Variants in CLIC4 observed in about 807,000 individuals in gnomAD.
CLIC4 encodes CLIC family member 4, also known as chloride intracellular channel protein 4.
CLIC4 carries 13 observed loss-of-function variants against 24.6 expected under a neutral mutation model. The observed-to-expected ratio is 0.53, with a 90% CI of 0.34 to 0.84. The LOEUF (loss-of-function observed/expected upper bound fraction) is 0.84. CLIC4 is among the 40% of genes least tolerant of loss of function. The pLI, the probability that CLIC4 is intolerant of heterozygous loss-of-function variation, is 0.01. For synonymous variants in CLIC4, 104 were observed against 111.3 expected, an observed-to-expected ratio of 0.93 and a Z score of 0.41; for missense variants, 227 against 301.7, an observed-to-expected ratio of 0.75 and a Z score of 1.83.
At chr1:24,768,164 T>A (rs1016723381) in intron 1 of CLIC4, among the ~76,000 whole-genome samples, 2 of 152,028 alleles carry the variant, frequency 1.3e-5, no homozygotes, top group African/African-American at 4.8e-5. Context: ...TTTTAAGATA[T>A]GGGGATCTTG....
Position 24,772,940 on chromosome 1 carries a change from T to C in CLIC4, c.73-24802T>C, listed in dbSNP as rs566331637. On this transcript the variant is annotated intron_variant, in intron 1 of 5. Transcript: ENST00000374379. ...CATTTTCATGATTGCAGTTTTTCATTGTTTATGGTCATCTTCATTAATCCA... is the reference window on the plus strand; with the variant it reads ...CATTTTCATGATTGCAGTTTTTCATCGTTTATGGTCATCTTCATTAATCCA... Among the ~76,000 whole-genome samples, 12 of 152,334 alleles carry C rather than the reference T, an allele frequency of 7.9e-5. No individual in the cohort carries two copies. In the East Asian group the frequency reaches 2.1e-3, roughly 27 times the overall value.
intron 2 of CLIC4, among the ~76,000 whole-genome samples, chr1:24,802,698 C>A (rs1053962513): frequency 1.3e-5 from 2 of 150,342 alleles, no homozygotes; most frequent in South Asian, 4.2e-4. Context: ...AAATCTTTTC[C>A]TTTTTTCTTT....
intron 3 of CLIC4, among the ~76,000 whole-genome samples, chr1:24,825,465 A>G (rs1639778648): frequency 6.6e-6 from 1 of 152,204 alleles, no homozygotes; most frequent in Admixed American, 6.5e-5. Flanking sequence ...AGGGCCCTAT[A>G]GTTGGCGATG....
At chr1:24,755,395 C>T (rs1191624590) in intron 1 of CLIC4, among the ~76,000 whole-genome samples, 1 of 148,816 alleles carries the variant, frequency 6.7e-6, no homozygotes, top group Non-Finnish European at 1.5e-5. Flanking sequence ...GCTAAGATCA[C>T]ACCACTGCAC....
intron 2 of CLIC4, among the ~76,000 whole-genome samples, chr1:24,809,736 C>T (rs920418056): frequency 6.6e-6 from 1 of 152,150 alleles, no homozygotes; most frequent in African/African-American, 2.4e-5. Context: ...GCTGGGATTA[C>T]AAGCATGAGC....
intron 2 of CLIC4, among the ~76,000 whole-genome samples, chr1:24,803,310 G>A (rs1289128391): frequency 2.6e-5 from 4 of 152,074 alleles, no homozygotes; most frequent in African/African-American, 9.7e-5. Flanking sequence ...ACTGACTCCA[G>A]AACAAACCAG....
At chr1:24,825,471 C>T (rs940251431) in intron 3 of CLIC4, among the ~76,000 whole-genome samples, 3 of 151,856 alleles carry the variant, frequency 2.0e-5, no homozygotes, top group African/African-American at 7.3e-5. Context: ...CTATAGTTGG[C>T]GATGTGTGGT....
At chr1:24,791,565 C>A (rs1639335097) in intron 1 of CLIC4, among the ~76,000 whole-genome samples, 1 of 151,840 alleles carries the variant, frequency 6.6e-6, no homozygotes, top group Non-Finnish European at 1.5e-5. Flanking sequence ...CATGGTGAAA[C>A]CCTGTCTCTA....
At chr1:24,815,141 T>C (rs1639655283) in intron 3 of CLIC4, among the ~76,000 whole-genome samples, 1 of 152,226 alleles carries the variant, frequency 6.6e-6, no homozygotes, top group African/African-American at 2.4e-5. Flanking sequence ...TATACTGTAG[T>C]GTTTTAAGTG....
At chr1:24,771,700 C>A in intron 1 of CLIC4, 1 of 319,048 alleles carries the variant, frequency 3.1e-6, no homozygotes, top group Admixed American at 3.5e-5. Context: ...TAGTAAAATA[C>A]CAGAGTTAAA....
intron 2 of CLIC4, among the ~76,000 whole-genome samples, chr1:24,807,148 G>T (rs982408260): frequency 1.2e-4 from 18 of 151,744 alleles, no homozygotes; most frequent in Admixed American, 4.6e-4. Flanking sequence ...AAAGAAAATT[G>T]AATAAAAATT....
At chr1:24,817,658 G>A (rs1639684975) in intron 3 of CLIC4, among the ~76,000 whole-genome samples, 1 of 152,198 alleles carries the variant, frequency 6.6e-6, no homozygotes, top group Non-Finnish European at 1.5e-5. Flanking sequence ...CTTTTCTTCT[G>A]TATATGCTGT....
rs771313741 is a variant in CLIC4, at chr1:24,772,470, C to T, written c.73-25272C>T. On this transcript the variant is annotated intron_variant, in intron 1 of 5. Coordinates refer to ENST00000374379, the MANE Select transcript of CLIC4 (RefSeq NM_013943.3). ...TACAGTGTTGAATATATAATTTTTG[C>T]GGAAACTAATTTTGTAATGTATATA... Among the ~76,000 whole-genome samples, 19 of 152,200 alleles carry T rather than the reference C, an allele frequency of 1.2e-4. 1 individual carries two copies. The highest frequency in any genetic ancestry group is 6.2e-4 in the South Asian group (3 of 4,818).
Position 24,797,685 on chromosome 1 carries a change from G to A in CLIC4, c.73-57G>A, listed in dbSNP as rs570416493. Reference sequence around the variant, plus strand: ...TTGATTAAAATTCAGAAAAAGTTATGTCATGTTGAGTATCATCACTTTGAC... The same window carrying A: ...TTGATTAAAATTCAGAAAAAGTTATATCATGTTGAGTATCATCACTTTGAC... On this transcript the variant is annotated intron_variant, in intron 1 of 5. Transcript: ENST00000374379. 6.6e-6 allele frequency: 8 copies of A among 1,209,616 alleles called. 1 individual carries two copies. The Admixed American group carries it at 1.8e-4, about 28-fold the overall frequency. 74.9% of individuals were successfully genotyped at this position (1,209,616 alleles called of 1,614,324 possible).
At chr1:24,821,306 A>T (rs1479231778) in intron 3 of CLIC4, among the ~76,000 whole-genome samples, 33 of 152,214 alleles carry the variant, frequency 2.2e-4, no homozygotes, top group Non-Finnish European at 4.4e-5. Flanking sequence ...TTAGCATCTA[A>T]TGCTCTGTAA....
chr1:24,812,963 C>T (rs541850283), intron 2 of CLIC4, among the ~76,000 whole-genome samples: 1 of 151,922 alleles, frequency 6.6e-6, no homozygotes, highest in South Asian at 2.1e-4. Context: ...ATGATCTGCC[C>T]ACCTTGGCCT....
chr1:24,809,587 A>C (rs965410340), intron 2 of CLIC4, among the ~76,000 whole-genome samples: 1 of 152,142 alleles, frequency 6.6e-6, no homozygotes, highest in Non-Finnish European at 1.5e-5. Context: ...CAGCCTCCCG[A>C]GTAGCTGGGA....
chr1:24,815,554 G>C (rs1404045350), intron 3 of CLIC4, among the ~76,000 whole-genome samples: 6 of 152,168 alleles, frequency 3.9e-5, no homozygotes, highest in Non-Finnish European at 7.3e-5. Context: ...CCTTCAGCGA[G>C]TCAATCTTTT....
chr1:24,830,976 G>GT (rs1639834193), intron 4 of CLIC4, among the ~76,000 whole-genome samples: 2 of 152,082 alleles, frequency 1.3e-5, no homozygotes, highest in East Asian at 3.8e-4. Flanking sequence ...ATGCTGTTTA[G>GT]TACTTTTTGA....
Sources: allele counts gnomAD v4.1 joint callset (sites outside exome capture counted in the v4.1 genomes callset), GRCh38; gene constraint gnomAD v4.1.1; transcripts MANE v1.5; gene names NCBI Gene and HGNC (gene_info 2026-07-23, HGNC 2026-07-21).